Variants in CEMIP2 observed in about 807,000 individuals in gnomAD.
CEMIP2 encodes cell surface hyaluronidase CEMIP2.
In CEMIP2, 79 loss-of-function variants were observed where a neutral mutation model predicts 146.9. That is an observed-to-expected ratio of 0.54 (90% CI 0.45 to 0.65). The LOEUF (loss-of-function observed/expected upper bound fraction) is 0.65. CEMIP2 is among the 30% of genes least tolerant of loss of function. The pLI is 0.00. For missense variants in CEMIP2, 1,596 were observed against 1,696.2 expected (o/e 0.94, Z 1.04); for synonymous variants, 601 against 606.3 (o/e 0.99, Z 0.13).
At position 71,690,237 on chromosome 9, in the gene CEMIP2, T is replaced by G. The variant is rs754178149; in HGVS notation, c.3706A>C (p.Thr1236Pro). ...CCTGCACTTCGGAAGGTAAAGTCAG[T>G]GCCATTGACCTGAGAATGCAAAAAC... The part of the protein sequence containing the change: ...GDPSVISVNG[T>P]DFTFRSAGVL... Residue 1236 changes from threonine (T) to proline (P), a missense_variant, in exon 22 of 24, where the codon ACT (threonine) becomes CCT (proline). By Grantham distance (38) the Thr-to-Pro change is conservative (BLOSUM62 -1). Transcript: ENST00000377044. 1 of 1,613,912 alleles carries G rather than the reference T, an allele frequency of 6.2e-7. No homozygotes were observed. The highest frequency in any genetic ancestry group is 8.5e-7 in the Non-Finnish European group (1 of 1,179,826).
chr9:71,709,558 C>T, intron 16 of CEMIP2, 84 bp from the exon 17 acceptor site: 1 of 1,132,314 alleles, frequency 8.8e-7, no homozygotes. Context: ...ACTGCAGGTC[C>T]ATTGTGATTG....
At chr9:71,741,781 G>C (rs1156715156) in intron 4 of CEMIP2, among the ~76,000 whole-genome samples, 1 of 151,262 alleles carries the variant, frequency 6.6e-6, no homozygotes, top group Admixed American at 6.6e-5. Context: ...TGGGATTACG[G>C]GTGCCCACCA....
chr9:71,753,440 C>A (rs1204890317), intron 1 of CEMIP2, among the ~76,000 whole-genome samples: 1 of 152,160 alleles, frequency 6.6e-6, no homozygotes, highest in African/African-American at 2.4e-5. Context: ...GCATCTGTCA[C>A]AAACTAAAGG....
At chr9:71,758,183 T>C (rs1824521841) in intron 1 of CEMIP2, among the ~76,000 whole-genome samples, 1 of 152,184 alleles carries the variant, frequency 6.6e-6, no homozygotes, top group South Asian at 2.1e-4. Flanking sequence ...GACATATGGT[T>C]GAAACAATTA....
Position 71,712,582 on chromosome 9 carries a change from T to A in CEMIP2, c.2592-322A>T, listed in dbSNP as rs72737962. The A allele has an allele frequency of 4.4e-3, 899 of 204,404 alleles. 50 individuals are homozygous for A. The South Asian group carries it at 0.12, about 27-fold the overall frequency. 12.7% of individuals were successfully genotyped at this position (204,404 alleles called of 1,614,324 possible). On this transcript the variant is annotated intron_variant, in intron 15 of 23. Transcript: ENST00000377044. ...AAGAGGTGACTTTGTCTTCCTAGAA[T>A]CAACTCAGTTAAGATCTTTTATTCG...
At chr9:71,765,330 C>G (rs1303131527) in intron 1 of CEMIP2, among the ~76,000 whole-genome samples, 1 of 152,198 alleles carries the variant, frequency 6.6e-6, no homozygotes. Context: ...TACCAGACAG[C>G]ATTAGCCTGT....
intron 10 of CEMIP2, among the ~76,000 whole-genome samples, chr9:71,727,922 G>A (rs564981627): frequency 1.3e-5 from 2 of 152,082 alleles, no homozygotes; most frequent in South Asian, 2.1e-4. Context: ...TTAGCCAGCC[G>A]TGGTGGCAGG....
chr9:71,737,881 T>C (rs779250827), intron 5 of CEMIP2, among the ~76,000 whole-genome samples: 17 of 152,276 alleles, frequency 1.1e-4, no homozygotes, highest in Middle Eastern at 3.4e-3. Context: ...CTAACAACAA[T>C]AATGATAGCT....
In CEMIP2 at chr9:71,709,514, C is replaced by A; in HGVS notation, c.2770-40G>T. On this transcript the variant is annotated intron_variant, in intron 16 of 23. Transcript: ENST00000377044. ...AAAGAAAGACATCACAAAGTGAGGG[C>A]TCCTGCTATCTCAGCATCCCCTGCA... 6 of 1,543,810 alleles carry A rather than the reference C, an allele frequency of 3.9e-6. No individual in the cohort carries two copies. The South Asian group carries it at 5.6e-5, about 14-fold the overall frequency.
intron 13 of CEMIP2, among the ~76,000 whole-genome samples, chr9:71,716,960 C>T (rs549533913): frequency 1.3e-5 from 2 of 152,222 alleles, no homozygotes; most frequent in South Asian, 4.1e-4. Context: ...TCGCTTGAGC[C>T]CAGGAAGTCA....
At chr9:71,711,979 T>C in intron 16 of CEMIP2, 104 bp downstream of exon 16, 1 of 1,260,864 alleles carries the variant, frequency 7.9e-7, no homozygotes, top group South Asian at 1.4e-5. Flanking sequence ...CTCCTCCCAC[T>C]CGTACAGACT....
chr9:71,742,832 C>A (rs911045732), intron 4 of CEMIP2, among the ~76,000 whole-genome samples: 1 of 152,210 alleles, frequency 6.6e-6, no homozygotes, highest in Non-Finnish European at 1.5e-5. Context: ...TTTAAGGAAG[C>A]AATTTTGTAA....
chr9:71,697,924 T>C (rs985783080), intron 20 of CEMIP2, 61 bp downstream of exon 20: 2 of 1,533,368 alleles, frequency 1.3e-6, no homozygotes, highest in East Asian at 2.3e-5. Context: ...AGTGCTCCTA[T>C]TGCAAAGAAA....
intron 1 of CEMIP2, among the ~76,000 whole-genome samples, chr9:71,755,270 G>T (rs1168810106): frequency 6.7e-6 from 1 of 149,866 alleles, no homozygotes; most frequent in East Asian, 2.0e-4. Flanking sequence ...CAGTGCTTTG[G>T]GGGGTCAATA....
chr9:71,762,279 C>G (rs971267117), intron 1 of CEMIP2, among the ~76,000 whole-genome samples: 2 of 152,110 alleles, frequency 1.3e-5, no homozygotes, highest in African/African-American at 4.8e-5. Context: ...CAAGTAATTA[C>G]TCAGCACTAG....
rs550039165 is a variant in CEMIP2 at position 71,753,089 on chromosome 9, A to T, written c.-12-2704T>A. Among the ~76,000 whole-genome samples the T allele has an allele frequency of 3.9e-5, 6 of 151,994 alleles. No homozygotes were observed. The East Asian group carries it at 1.2e-3, about 29-fold the overall frequency. Reference sequence around the variant, plus strand: ...GAACAAATGAAAGAGTACAATAAAGACCCCGTTATGATCCTCTCTGAACAA... The same window carrying T: ...GAACAAATGAAAGAGTACAATAAAGTCCCCGTTATGATCCTCTCTGAACAA... On this transcript the variant is annotated intron_variant, in intron 1 of 23. Coordinates refer to ENST00000377044, the MANE Select transcript of CEMIP2 (RefSeq NM_013390.3).
At position 71,694,568 on chromosome 9, in the gene CEMIP2, C is replaced by T. The variant is rs373663141; in HGVS notation, c.3637G>A (p.Val1213Met). Residue 1213 changes from valine (V) to methionine (M), a missense_variant, in exon 21 of 24, where the codon GTG becomes ATG. By Grantham distance (21) the Val-to-Met change is conservative. Coordinates refer to ENST00000377044, the MANE Select transcript of CEMIP2 (RefSeq NM_013390.3). ...GCTTTATCAGGTGACTGGAATTGCA[C>T]AGGGAGGTAACTTTTATGAGGATCA... ...TSDPHKSYLPVQFQSPDKAET... is the reference protein window; with the variant it reads ...TSDPHKSYLPMQFQSPDKAET... 88 of 1,613,768 alleles carry T rather than the reference C, an allele frequency of 5.5e-5. No homozygotes were observed. Among genetic ancestry groups the T allele is most frequent in the Non-Finnish European group, 9.3e-6 (11 of 1,179,916 alleles).
intron 8 of CEMIP2, among the ~76,000 whole-genome samples, chr9:71,730,486 T>C (rs1823584870): frequency 6.6e-6 from 1 of 151,820 alleles, no homozygotes; most frequent in East Asian, 1.9e-4. Flanking sequence ...AAAAATAAAA[T>C]ACAAGACATA....
chr9:71,704,275 C>A, intron 18 of CEMIP2: 1 of 292,742 alleles, frequency 3.4e-6, no homozygotes, highest in East Asian at 8.3e-5. Context: ...GCAAATGCTC[C>A]ACTGGAAGAG....
Sources: allele counts gnomAD v4.1 joint callset (sites outside exome capture counted in the v4.1 genomes callset), GRCh38; gene constraint gnomAD v4.1.1; transcripts MANE v1.5; gene names NCBI Gene and HGNC (gene_info 2026-07-23, HGNC 2026-07-21).